SEPTIN2: variants seen among roughly 807,000 people sequenced by gnomAD.
SEPTIN2 encodes septin-2.
In SEPTIN2, 34 loss-of-function variants were observed where a neutral mutation model predicts 46.5. The observed-to-expected ratio is 0.73, with a 90% CI of 0.56 to 0.97. The LOEUF is 0.97. Ranked by LOEUF, SEPTIN2 falls within the 50% of genes least tolerant of loss-of-function variation. The pLI is 0.00. For synonymous variants in SEPTIN2, 175 were observed against 153.4 expected, an observed-to-expected ratio of 1.14 and a Z score of -1.04; for missense variants, 347 against 448.4, an observed-to-expected ratio of 0.77 and a Z score of 2.04.
rs1468002124 is a variant in SEPTIN2 at position 241,346,101 on chromosome 2, G to T, written c.843-65G>T. 5.1e-6 allele frequency: 6 copies of T among 1,185,294 alleles called. No individual in the cohort carries two copies. The East Asian group carries it at 1.2e-4, about 24-fold the overall frequency. 73.4% of individuals were successfully genotyped at this position (1,185,294 alleles called of 1,614,324 possible). A position where few individuals can be genotyped will look rare whatever the true frequency, so the allele number is the denominator to read the frequency against. ...ATTTCTTCTATGTACTTGATGGGTG[G>T]TTTTTTTTCTCATGAGAATGTCATG... On this transcript the variant is annotated intron_variant, in intron 9 of 12. Coordinates refer to ENST00000391971, the MANE Select transcript of SEPTIN2 (RefSeq NM_004404.5).
chr2:241,323,609 TAGG>T (rs1190629613), intron 1 of SEPTIN2, among the ~76,000 whole-genome samples: 2 of 152,198 alleles, frequency 1.3e-5, no homozygotes, highest in Non-Finnish European at 2.9e-5. Context: ...GTCTTATTCC[TAGG>T]GAAATATTTG....
chr2:241,336,273 A>G, intron 5 of SEPTIN2, 175 bp downstream of exon 5: 1 of 688,168 alleles, frequency 1.5e-6, no homozygotes, highest in South Asian at 2.2e-5. Context: ...TATAGAGAGT[A>G]ATTTTTTTCT....
chr2:241,320,837 T>TC (rs1342535789), intron 1 of SEPTIN2, among the ~76,000 whole-genome samples: 47 of 152,016 alleles, frequency 3.1e-4, no homozygotes, highest in African/African-American at 7.5e-4. Context: ...CCCTTCTTTT[T>TC]CCCCCCCTCA....
intron 3 of SEPTIN2, among the ~76,000 whole-genome samples, chr2:241,332,209 C>T (rs369967182): frequency 3.3e-5 from 5 of 152,112 alleles, no homozygotes; most frequent in African/African-American, 1.2e-4. Flanking sequence ...TAAAAGTTTG[C>T]CTTCTTGAAA....
At chr2:241,344,190 G>C (rs945222585) in intron 9 of SEPTIN2, among the ~76,000 whole-genome samples, 1 of 152,100 alleles carries the variant, frequency 6.6e-6, no homozygotes, top group Admixed American at 6.5e-5. Context: ...GAGAAAAGGA[G>C]ACTAGAACCT....
chr2:241,338,531 C>T (rs1386177451), intron 7 of SEPTIN2, among the ~76,000 whole-genome samples: 1 of 147,482 alleles, frequency 6.8e-6, no homozygotes, highest in Non-Finnish European at 1.5e-5. Flanking sequence ...AGGAGGATCA[C>T]TTGAGCCCAG....
At chr2:241,319,133 C>G (rs2076781794) in intron 1 of SEPTIN2, among the ~76,000 whole-genome samples, 2 of 152,116 alleles carry the variant, frequency 1.3e-5, no homozygotes. Flanking sequence ...CTGGATCTTA[C>G]TTGGATCTTG....
chr2:241,316,483 G>C (rs1353122696), intron 1 of SEPTIN2: 1 of 1,506,314 alleles, frequency 6.6e-7, no homozygotes, highest in African/African-American at 1.4e-5. Context: ...GTGGATAAGC[G>C]AGGGGAGAGC....
chr2:241,324,834 A>C lies in SEPTIN2; in HGVS notation c.9+593A>C, dbSNP rs12464005. 7.2e-3 allele frequency: 1,101 copies of C among 152,746 alleles called. 33 individuals are homozygous for C. The South Asian group carries it at 0.073, about 10-fold the overall frequency. The allele number at this position is 152,746 out of a possible 1,614,324, so 9.5% of individuals were successfully genotyped here. ...AATTCTGATAATTTATTATGATGAA[A>C]TTGATGGGGCTCTTAGACTTGATAA... On this transcript the variant is annotated intron_variant, in intron 2 of 12. Transcript: ENST00000391971.
At chr2:241,319,644 TGCAGCAG>T (rs2076865280) in intron 1 of SEPTIN2, among the ~76,000 whole-genome samples, 1 of 152,150 alleles carries the variant, frequency 6.6e-6, no homozygotes, top group South Asian at 2.1e-4. Flanking sequence ...CAGGCTGGAG[TGCAGCAG>T]CACCATCTCG....
rs2060936847 is a variant in SEPTIN2, at chr2:241,353,700, T to A, written c.*1763T>A. ...GGAGTCCATTATTTGAGTTTGACAT[T>A]TAATAACTTTGCTGGAAAATCTGTA... On this transcript the variant is annotated 3_prime_UTR_variant, in exon 13 of 13. Coordinates refer to ENST00000391971, the MANE Select transcript of SEPTIN2 (RefSeq NM_004404.5). 1.3e-5 allele frequency: 2 copies of A among 152,934 alleles called. No individual in the cohort carries two copies. Among genetic ancestry groups the A allele is most frequent in the South Asian group, 4.1e-4 (2 of 4,830 alleles). The allele number at this position is 152,934 out of a possible 1,614,324, so 9.5% of individuals were successfully genotyped here.
At chr2:241,350,615 T>A (rs1321862527) in intron 12 of SEPTIN2, among the ~76,000 whole-genome samples, 1 of 152,222 alleles carries the variant, frequency 6.6e-6, no homozygotes, top group African/African-American at 2.4e-5. Flanking sequence ...TTGTACAGAT[T>A]AAAAGTAGAG....
chr2:241,325,956 G>T (rs1157675574), intron 2 of SEPTIN2, 37 bp from the exon 3 acceptor site: 1 of 1,582,386 alleles, frequency 6.3e-7, no homozygotes, highest in Non-Finnish European at 8.6e-7. Context: ...AACTACTAAG[G>T]TGTTTATTAG....
intron 3 of SEPTIN2, among the ~76,000 whole-genome samples, chr2:241,330,219 TCAC>T (rs1179873349): frequency 6.6e-6 from 1 of 152,044 alleles, no homozygotes; most frequent in Non-Finnish European, 1.5e-5. Flanking sequence ...TCTAAAAAAA[TCAC>T]CATGCCATAC....
Position 241,327,246 on chromosome 2 carries a change from A to G in SEPTIN2, c.130+1133A>G, listed in dbSNP as rs561859513. Among the ~76,000 whole-genome samples the G allele has an allele frequency of 5.4e-4, 82 of 152,112 alleles. 1 individual carries two copies. The South Asian group carries it at 0.017, about 31-fold the overall frequency. The stretch of plus-strand genomic sequence containing the variant: ...TGGCAAAGAAGAACTCTATTACTTA[A>G]AGGAAAGCATGAATATAATAAGATA... On this transcript the variant is annotated intron_variant, in intron 3 of 12. Coordinates refer to ENST00000391971, the MANE Select transcript of SEPTIN2 (RefSeq NM_004404.5).
chr2:241,321,380 T>G (rs1034835926), intron 1 of SEPTIN2, among the ~76,000 whole-genome samples: 1 of 152,236 alleles, frequency 6.6e-6, no homozygotes, highest in African/African-American at 2.4e-5. Flanking sequence ...ATTGTTTCTT[T>G]TATCATTATA....
intron 7 of SEPTIN2, 29 bp downstream of exon 7, chr2:241,337,819 T>G (rs761640579): frequency 4.0e-6 from 6 of 1,499,160 alleles, no homozygotes; most frequent in Middle Eastern, 1.7e-4. Flanking sequence ...CTGCCCTCCC[T>G]CTGGGTGCGA....
At chr2:241,348,275 T>A (rs1336981992) in intron 11 of SEPTIN2, 84 bp downstream of exon 11, 1 of 1,097,720 alleles carries the variant, frequency 9.1e-7, no homozygotes, top group African/African-American at 1.6e-5. Flanking sequence ...TTGCCCAGGC[T>A]GGAGTGCAGT....
intron 3 of SEPTIN2, 31 bp downstream of exon 3, chr2:241,326,144 CTAAA>C (rs746467788): frequency 4.5e-5 from 72 of 1,587,130 alleles, no homozygotes; most frequent in Non-Finnish European, 5.9e-5. Flanking sequence ...CTCCAACTTA[CTAAA>C]TAAATATCTC....
Sources: allele counts gnomAD v4.1 joint callset (sites outside exome capture counted in the v4.1 genomes callset), GRCh38; gene constraint gnomAD v4.1.1; transcripts MANE v1.5; gene names NCBI Gene and HGNC (gene_info 2026-07-23, HGNC 2026-07-21).